The following FZD3 variants were observed in gnomAD, a reference collection of about 807,000 sequenced individuals.
FZD3 encodes frizzled-3.
A neutral mutation model predicts 60.7 loss-of-function variants in FZD3; 30 were observed. That is an observed-to-expected ratio of 0.49 (90% confidence interval 0.37 to 0.67). The LOEUF is 0.67. Ranked by LOEUF, FZD3 falls within the 30% of genes least tolerant of loss-of-function variation. The pLI is 0.00. For synonymous variants in FZD3, 246 were observed against 275.2 expected, an observed-to-expected ratio of 0.89 and a Z score of 1.05; for missense variants, 605 against 838.7, an observed-to-expected ratio of 0.72 and a Z score of 3.44.
chr8:28,503,960 T>G (rs1231329405), intron 3 of FZD3, among the ~76,000 whole-genome samples: 2 of 152,216 alleles, frequency 1.3e-5, no homozygotes, highest in Non-Finnish European at 2.9e-5. Flanking sequence ...TAGTAAGTAC[T>G]CTATAAGTGA....
At chr8:28,552,107 T>C (rs1805422334) in intron 6 of FZD3, among the ~76,000 whole-genome samples, 1 of 152,210 alleles carries the variant, frequency 6.6e-6, no homozygotes, top group Non-Finnish European at 1.5e-5. Flanking sequence ...AAGGTTGACA[T>C]ATATTCTCAT....
chr8:28,544,843 C>T (rs1424869543), intron 5 of FZD3, among the ~76,000 whole-genome samples: 7 of 152,202 alleles, frequency 4.6e-5, no homozygotes, highest in African/African-American at 1.7e-4. Context: ...GAATTTATTT[C>T]TTACAGTTAT....
intron 7 of FZD3, 44 bp downstream of exon 7, chr8:28,556,015 T>C: frequency 8.1e-7 from 1 of 1,242,020 alleles, no homozygotes; most frequent in Non-Finnish European, 1.2e-6. Flanking sequence ...AGCTGAATTA[T>C]GACCATACAG....
At chr8:28,546,836 A>G (rs1324573968) in intron 5 of FZD3, among the ~76,000 whole-genome samples, 1 of 152,080 alleles carries the variant, frequency 6.6e-6, no homozygotes, top group Non-Finnish European at 1.5e-5. Flanking sequence ...TTAGCTGGGC[A>G]TGGTGGCAGG....
intron 5 of FZD3, among the ~76,000 whole-genome samples, chr8:28,544,705 C>T (rs1377964791): frequency 6.6e-6 from 1 of 152,066 alleles, no homozygotes; most frequent in African/African-American, 2.4e-5. Flanking sequence ...GAGTAAAAGC[C>T]CCCTTACCCC....
intron 3 of FZD3, among the ~76,000 whole-genome samples, chr8:28,505,360 AT>A (rs111513017): frequency 4.0e-5 from 6 of 149,888 alleles, no homozygotes; most frequent in Non-Finnish European, 7.4e-5. Flanking sequence ...TTCTTTTTTT[AT>A]TTTTTTTTGA....
At chr8:28,548,753 T>C (rs1805350392) in intron 5 of FZD3, among the ~76,000 whole-genome samples, 1 of 152,206 alleles carries the variant, frequency 6.6e-6, no homozygotes, top group African/African-American at 2.4e-5. Context: ...TGTCTAATTC[T>C]CATATAACTC....
intron 4 of FZD3, among the ~76,000 whole-genome samples, chr8:28,523,296 A>G (rs1002054367): frequency 6.6e-6 from 1 of 152,112 alleles, no homozygotes; most frequent in Non-Finnish European, 1.5e-5. Context: ...TGCTTCCAAC[A>G]TGGCACCTTG....
chr8:28,536,698 C>T (rs1201158165), intron 5 of FZD3, among the ~76,000 whole-genome samples: 2 of 151,970 alleles, frequency 1.3e-5, no homozygotes, highest in Non-Finnish European at 2.9e-5. Flanking sequence ...GACAGGGAGA[C>T]CCTGTCTCAA....
intron 4 of FZD3, among the ~76,000 whole-genome samples, chr8:28,522,310 A>G (rs1804602923): frequency 6.6e-6 from 1 of 151,980 alleles, no homozygotes; most frequent in Non-Finnish European, 1.5e-5. Context: ...GACCTGCTGT[A>G]TGGTTTCTTG....
chr8:28,560,575 T>C (rs1303910404), intron 7 of FZD3, among the ~76,000 whole-genome samples: 1 of 152,170 alleles, frequency 6.6e-6, no homozygotes, highest in Non-Finnish European at 1.5e-5. Flanking sequence ...AACTCAAAGC[T>C]TTATATTTCA....
At chr8:28,543,130 C>G (rs1805210764) in intron 5 of FZD3, among the ~76,000 whole-genome samples, 2 of 152,222 alleles carry the variant, frequency 1.3e-5, no homozygotes, top group African/African-American at 4.8e-5. Context: ...TCACATCACA[C>G]AATTGTTCTA....
At chr8:28,552,287 C>T (rs568674513) in intron 6 of FZD3, among the ~76,000 whole-genome samples, 66 of 152,192 alleles carry the variant, frequency 4.3e-4, no homozygotes, top group Middle Eastern at 3.4e-3. Context: ...TAATATAGTA[C>T]GTTAAAGCCA....
chr8:28,534,508 G>A (rs150419632), intron 5 of FZD3, among the ~76,000 whole-genome samples: 331 of 152,206 alleles, frequency 2.2e-3, no homozygotes, highest in African/African-American at 7.2e-3. Context: ...AGCTGTGATT[G>A]CACCACTGCA....
At chr8:28,500,927 A>AT (rs1803972550) in intron 2 of FZD3, among the ~76,000 whole-genome samples, 1 of 151,890 alleles carries the variant, frequency 6.6e-6, no homozygotes, top group Non-Finnish European at 1.5e-5. Flanking sequence ...CGCCTGGCTA[A>AT]TTTTTTGTAT....
chr8:28,531,928 A>G (rs1012568576), intron 5 of FZD3, among the ~76,000 whole-genome samples: 24 of 152,320 alleles, frequency 1.6e-4, no homozygotes, highest in African/African-American at 5.8e-4. Flanking sequence ...CTGCCATTAA[A>G]GTCATTAAAA....
intron 5 of FZD3, among the ~76,000 whole-genome samples, chr8:28,548,803 A>G (rs945517657): frequency 6.6e-6 from 1 of 152,190 alleles, no homozygotes; most frequent in Non-Finnish European, 1.5e-5. Flanking sequence ...TGTCAAATTT[A>G]ATAACTAAAT....
Position 28,520,803 on chromosome 8 carries a change from G to A in FZD3, c.355G>A (p.Val119Ile), listed in dbSNP as rs1804558159. The A allele has an allele frequency of 1.2e-6, 2 of 1,608,494 alleles. No individual in the cohort carries two copies. Among genetic ancestry groups the A allele is most frequent in the Non-Finnish European group, 1.7e-6 (2 of 1,177,038 alleles). ...ECSKLMEMFG[V>I]PWPEDMECSR... The stretch of plus-strand genomic sequence containing the variant: ...TTCGAAGCTCATGGAGATGTTTGGT[G>A]TTCCTTGGCCTGAAGATATGGAATG... The change falls in exon 4 of 8, where the codon GTT (valine) becomes ATT (isoleucine). Residue 119 changes from valine to isoleucine, a missense_variant. Physicochemically the swap from Val to Ile is conservative, Grantham distance 29. Transcript: ENST00000240093.
rs760245331 is a variant in FZD3 at position 28,562,975 on chromosome 8, G to A, written c.1965G>A (p.Met655Ile). 12 of 1,613,374 alleles carry A rather than the reference G, an allele frequency of 7.4e-6. No individual in the cohort carries two copies. The South Asian group carries it at 1.3e-4, about 18-fold the overall frequency. The change falls in exon 8 of 8, where the codon ATG becomes ATA. Residue 655 changes from methionine (M) to isoleucine (I), a missense_variant. Met to Ile is a conservative substitution (Grantham distance 10). Transcript: ENST00000240093. ...PMTHITHGTS[M>I]NRVIEEDGTS... ...CTCATATCACACATGGCACCAGCAT[G>A]AATCGGGTTATTGAAGAAGATGGAA...
Sources: allele counts gnomAD v4.1 joint callset (sites outside exome capture counted in the v4.1 genomes callset), GRCh38; gene constraint gnomAD v4.1.1; transcripts MANE v1.5; gene names NCBI Gene and HGNC (gene_info 2026-07-23, HGNC 2026-07-21).